SCPEP1: variants seen among roughly 807,000 people sequenced by gnomAD.
SCPEP1 encodes the protein retinoid-inducible serine carboxypeptidase.
Under a neutral mutation model 63.8 loss-of-function variants are expected in SCPEP1, and 51 were observed. That is an observed-to-expected ratio of 0.80 (90% CI 0.64 to 1.01). The LOEUF (loss-of-function observed/expected upper bound fraction) is 1.01. SCPEP1 is among the 50% of genes least tolerant of loss of function. The pLI is 0.00. For missense variants in SCPEP1, 499 were observed against 554.9 expected (o/e 0.90, Z 1.01); for synonymous variants, 204 against 207.8 (o/e 0.98, Z 0.16).
At chr17:57,006,108 T>C in intron 12 of SCPEP1, 65 bp from the exon 13 acceptor site, 1 of 1,352,374 alleles carries the variant, frequency 7.4e-7, no homozygotes, top group South Asian at 1.3e-5. Flanking sequence ...TTTCAGGATG[T>C]TGCCTCTGAC....
intron 1 of SCPEP1, among the ~76,000 whole-genome samples, chr17:56,978,906 G>A (rs1910990732): frequency 6.6e-6 from 1 of 152,106 alleles, no homozygotes; most frequent in South Asian, 2.1e-4. Context: ...CGAGTGTCTG[G>A]GAGATTTTGT....
intron 12 of SCPEP1, among the ~76,000 whole-genome samples, chr17:57,003,127 T>C (rs930007642): frequency 1.3e-5 from 2 of 151,640 alleles, no homozygotes; most frequent in Non-Finnish European, 2.9e-5. Flanking sequence ...ACGTGATGCG[T>C]AGGAGTGATT....
At chr17:57,000,748 C>T in intron 10 of SCPEP1, 107 bp from the exon 11 acceptor site, 1 of 1,278,976 alleles carries the variant, frequency 7.8e-7, no homozygotes, top group South Asian at 1.3e-5. Context: ...AGCATCTGTG[C>T]ATTCAGTCGT....
At chr17:56,990,161 A>C (rs1489209922) in intron 5 of SCPEP1, among the ~76,000 whole-genome samples, 1 of 152,214 alleles carries the variant, frequency 6.6e-6, no homozygotes, top group African/African-American at 2.4e-5. Flanking sequence ...TAAGTCAAAA[A>C]CACTTCCATA....
intron 11 of SCPEP1, 35 bp downstream of exon 11, chr17:57,001,027 T>A (rs777050650): frequency 1.7e-5 from 27 of 1,611,688 alleles, no homozygotes; most frequent in Admixed American, 3.3e-5. Context: ...CTAGAGGCAG[T>A]TTTATGGGTT....
chr17:57,004,270 G>T (rs1292562594), intron 12 of SCPEP1, among the ~76,000 whole-genome samples: 1 of 152,148 alleles, frequency 6.6e-6, no homozygotes, highest in Non-Finnish European at 1.5e-5. Flanking sequence ...CCTGCCTGTG[G>T]TCTCAGCTGC....
chr17:56,984,956 G>A (rs926685948), intron 2 of SCPEP1: 6 of 179,174 alleles, frequency 3.3e-5, no homozygotes, highest in African/African-American at 1.2e-4. Flanking sequence ...AAAATTAGCC[G>A]GGCTGGGCAT....
chr17:57,003,704 G>A (rs1011894543), intron 12 of SCPEP1, among the ~76,000 whole-genome samples: 1 of 152,182 alleles, frequency 6.6e-6, no homozygotes, highest in African/African-American at 2.4e-5. Context: ...GCAGTGCTAA[G>A]TGAGAACTCA....
intron 4 of SCPEP1, 92 bp downstream of exon 4, chr17:56,987,942 T>A (rs1249159171): frequency 3.6e-6 from 5 of 1,382,950 alleles, no homozygotes; most frequent in African/African-American, 2.9e-5. Context: ...CAGAGTTTAA[T>A]GCCTAGCTGA....
At chr17:56,981,369 C>G in intron 2 of SCPEP1, 139 bp downstream of exon 2, 1 of 798,884 alleles carries the variant, frequency 1.3e-6, no homozygotes, top group Admixed American at 2.5e-5. Context: ...CGGCGTGCTT[C>G]TGAGGTAGGC....
At chr17:56,990,341 GT>G (rs200804204) in intron 5 of SCPEP1, among the ~76,000 whole-genome samples, 2 of 151,886 alleles carry the variant, frequency 1.3e-5, no homozygotes, top group Admixed American at 6.6e-5. Flanking sequence ...TTAAATAAGG[GT>G]TTTTTTTAAG....
chr17:56,987,035 G>GT (rs1911242949), intron 3 of SCPEP1: 1 of 152,228 alleles, frequency 6.6e-6, no homozygotes, highest in Admixed American at 6.5e-5. Flanking sequence ...GGCCATATGA[G>GT]TGAGGACCAT....
At position 56,989,732 on chromosome 17, in the gene SCPEP1, A is replaced by G. The variant is rs1911337935; in HGVS notation, c.547-1367A>G. 3.3e-5 allele frequency among the ~76,000 whole-genome samples: 5 copies of G among 152,182 alleles called. 1 individual carries two copies. In the South Asian group the frequency reaches 1.0e-3, roughly 32 times the overall value. On this transcript the variant is annotated intron_variant, in intron 5 of 12. Coordinates refer to ENST00000262288, the MANE Select transcript of SCPEP1 (RefSeq NM_021626.3). Reference sequence around the variant, plus strand: ...GAGGCCGAGGCCGGCAGATCGCTTGAGGTTAGGAGTTGGAGAGCAGCCTAG... The same window carrying G: ...GAGGCCGAGGCCGGCAGATCGCTTGGGGTTAGGAGTTGGAGAGCAGCCTAG...
intron 2 of SCPEP1, among the ~76,000 whole-genome samples, chr17:56,982,279 G>A (rs1013730471): frequency 6.6e-6 from 1 of 152,160 alleles, no homozygotes; most frequent in Non-Finnish European, 1.5e-5. Context: ...TCCATAGGAT[G>A]CTACTGGGAC....
Position 56,987,866 on chromosome 17 carries a change from G to A in SCPEP1, c.471+16G>A. The A allele has an allele frequency of 6.2e-7, 1 of 1,613,592 alleles. No individual in the cohort carries two copies. Among genetic ancestry groups the A allele is most frequent in the Non-Finnish European group, 8.5e-7 (1 of 1,179,742 alleles). ...AGAATTCCAGGTAAGCAAAGACTCAGGAACAGCTAAGTAAAGGGCTGGCAA... is the reference window on the plus strand; with the variant it reads ...AGAATTCCAGGTAAGCAAAGACTCAAGAACAGCTAAGTAAAGGGCTGGCAA... On this transcript the variant is annotated intron_variant, in intron 4 of 12. Transcript: ENST00000262288.
At chr17:56,996,380 T>G (rs1458153494) in intron 8 of SCPEP1, among the ~76,000 whole-genome samples, 2 of 151,602 alleles carry the variant, frequency 1.3e-5, no homozygotes, top group African/African-American at 2.4e-5. Flanking sequence ...AATTTTTGTA[T>G]TTTTAGTAGA....
intron 6 of SCPEP1, among the ~76,000 whole-genome samples, chr17:56,994,138 A>C (rs1405244610): frequency 2.6e-5 from 4 of 152,202 alleles, no homozygotes; most frequent in Non-Finnish European, 5.9e-5. Context: ...AAAGTTCGAG[A>C]CCAGACTGGG....
At chr17:57,004,418 A>G (rs1156274695) in intron 12 of SCPEP1, among the ~76,000 whole-genome samples, 1 of 152,212 alleles carries the variant, frequency 6.6e-6, no homozygotes. Flanking sequence ...GCAGCAGGGC[A>G]CAGAGGGAGA....
Position 57,006,408 on chromosome 17 carries a change from A to C in SCPEP1, c.*173A>C. 2.4e-6 allele frequency: 1 copy of C among 422,892 alleles called. No individual in the cohort carries two copies. The highest frequency in any genetic ancestry group is 4.2e-6 in the Non-Finnish European group (1 of 235,536). 26.2% of individuals were successfully genotyped at this position (422,892 alleles called of 1,614,324 possible). On this transcript the variant is annotated 3_prime_UTR_variant, in exon 13 of 13. Transcript: ENST00000262288. ...TCATTGTCTCTGGAGGCAATTTGGAAATTATTTCTGCTTCTTAAAAAAACC... is the reference window on the plus strand; with the variant it reads ...TCATTGTCTCTGGAGGCAATTTGGACATTATTTCTGCTTCTTAAAAAAACC...
Sources: allele counts gnomAD v4.1 joint callset (sites outside exome capture counted in the v4.1 genomes callset), GRCh38; gene constraint gnomAD v4.1.1; transcripts MANE v1.5; gene names NCBI Gene and HGNC (gene_info 2026-07-23, HGNC 2026-07-21).